The following MAGI2 variants were observed in gnomAD, a reference collection of about 807,000 sequenced individuals.
MAGI2 encodes the protein membrane-associated guanylate kinase, WW and PDZ domain-containing protein 2.
A neutral mutation model predicts 133.3 loss-of-function variants in MAGI2; 35 were observed. The observed-to-expected ratio is 0.26, with a 90% CI of 0.20 to 0.35. MAGI2 has a LOEUF of 0.35. MAGI2 is among the 10% of genes least tolerant of loss of function. The pLI is 1.00. For missense variants in MAGI2, 1,636 were observed against 1,863.4 expected, an observed-to-expected ratio of 0.88 and a Z score of 2.25; for synonymous variants, 729 against 710.6, an observed-to-expected ratio of 1.03 and a Z score of -0.41.
At chr7:78,897,890 A>C (rs1797330644) in intron 2 of MAGI2, among the ~76,000 whole-genome samples, 2 of 152,194 alleles carry the variant, frequency 1.3e-5, no homozygotes, top group South Asian at 4.1e-4. Context: ...TGAAGAGCAA[A>C]AGAAAGTACA....
At chr7:78,412,035 AT>A (rs1797915319) in intron 6 of MAGI2, among the ~76,000 whole-genome samples, 2 of 152,014 alleles carry the variant, frequency 1.3e-5, no homozygotes, top group Admixed American at 6.6e-5. Flanking sequence ...GAGATAGGTA[AT>A]TGTTAAGTGC....
At chr7:79,077,497 C>T (rs1160901796) in intron 1 of MAGI2, among the ~76,000 whole-genome samples, 2 of 146,764 alleles carry the variant, frequency 1.4e-5, no homozygotes, top group African/African-American at 5.0e-5. Context: ...ATGGTGTGAA[C>T]CTGGCCGGTG....
At chr7:79,180,619 A>G (rs1232345294) in intron 1 of MAGI2, among the ~76,000 whole-genome samples, 1 of 151,978 alleles carries the variant, frequency 6.6e-6, no homozygotes, top group Non-Finnish European at 1.5e-5. Flanking sequence ...GCCAAACCAC[A>G]TAATTCTGCC....
chr7:78,690,418 CTGTCA>C (rs2151120049), intron 2 of MAGI2, among the ~76,000 whole-genome samples: 1 of 152,310 alleles, frequency 6.6e-6, no homozygotes, highest in South Asian at 2.1e-4. Flanking sequence ...CCCTGCTTAA[CTGTCA>C]TCATAGCATT....
rs1408279259 is a variant in MAGI2, at chr7:79,101,732, A to AG, written c.302-94527_302-94526insC. On this transcript the variant is annotated intron_variant, in intron 1 of 21. Coordinates refer to ENST00000354212, the MANE Select transcript of MAGI2 (RefSeq NM_012301.4). ...GAGCAAGACTCTGTCACAAAAAAAA[A>AG]AAAAAAAAGAAAAAAGAAAAAGGAA... Among the ~76,000 whole-genome samples, 3 of 150,880 alleles carry AG rather than the reference A, an allele frequency of 2.0e-5. No homozygotes were observed. The East Asian group carries it at 5.8e-4, about 29-fold the overall frequency.
At chr7:78,644,041 G>A (rs1810579620) in intron 2 of MAGI2, among the ~76,000 whole-genome samples, 2 of 151,880 alleles carry the variant, frequency 1.3e-5, no homozygotes, top group Admixed American at 6.6e-5. Context: ...AATAATATCA[G>A]AAAAAGTAGA....
chr7:78,921,439 G>C (rs1799214882), intron 2 of MAGI2, among the ~76,000 whole-genome samples: 1 of 152,084 alleles, frequency 6.6e-6, no homozygotes, highest in African/African-American at 2.4e-5. Context: ...TGGAACCACA[G>C]AGTCTGCACT....
At chr7:79,315,878 A>G (rs1325566790) in intron 1 of MAGI2, among the ~76,000 whole-genome samples, 2 of 152,000 alleles carry the variant, frequency 1.3e-5, no homozygotes, top group African/African-American at 4.8e-5. Flanking sequence ...TATGTAGTAG[A>G]GTTTCTAAAA....
At chr7:78,526,940 A>G (rs10277768) in intron 3 of MAGI2, among the ~76,000 whole-genome samples, 50,094 of 143,118 alleles carry the variant, frequency 0.35, 9,298 homozygotes, top group African/African-American at 0.51. Flanking sequence ...CCTGGGAGGC[A>G]GAGGGTGCGG....
intron 21 of MAGI2, among the ~76,000 whole-genome samples, chr7:78,076,909 T>C (rs1283443703): frequency 1.3e-5 from 2 of 150,346 alleles, no homozygotes; most frequent in African/African-American, 4.9e-5. Flanking sequence ...TGACACGATC[T>C]TGAATTTTTG....
intron 1 of MAGI2, among the ~76,000 whole-genome samples, chr7:79,311,964 C>T (rs1478488855): frequency 6.6e-6 from 1 of 152,126 alleles, no homozygotes; most frequent in Non-Finnish European, 1.5e-5. Flanking sequence ...AATATCACCT[C>T]TTACTGCCTC....
At chr7:78,099,049 A>G (rs1817968435) in intron 20 of MAGI2, among the ~76,000 whole-genome samples, 1 of 152,100 alleles carries the variant, frequency 6.6e-6, no homozygotes, top group African/African-American at 2.4e-5. Context: ...CTTTGGTTAC[A>G]TAAAGTGAAT....
chr7:78,371,075 C>T (rs1266212488), intron 6 of MAGI2, among the ~76,000 whole-genome samples: 1 of 151,810 alleles, frequency 6.6e-6, no homozygotes, highest in African/African-American at 2.4e-5. Context: ...TAAACTTACC[C>T]AATTTAAATA....
rs571487274 is a variant in MAGI2 at position 78,129,638 on chromosome 7, C to T, written c.3204-2222G>A. 5.9e-5 allele frequency among the ~76,000 whole-genome samples: 9 copies of T among 152,222 alleles called. No homozygotes were observed. In the South Asian group the frequency reaches 1.2e-3, roughly 21 times the overall value. On this transcript the variant is annotated intron_variant, in intron 18 of 21. Transcript: ENST00000354212. ...CTGCCAATGGTGAGAATGCACATCT[C>T]GTGGGCCCTTCAAGAATCACTTCCG...
chr7:78,993,607 C>T (rs975711978), intron 2 of MAGI2, among the ~76,000 whole-genome samples: 1 of 151,914 alleles, frequency 6.6e-6, no homozygotes, highest in Non-Finnish European at 1.5e-5. Flanking sequence ...TTGCCATCCT[C>T]AGAGGCAGCA....
At chr7:79,281,837 C>T (rs1835667105) in intron 1 of MAGI2, among the ~76,000 whole-genome samples, 1 of 152,058 alleles carries the variant, frequency 6.6e-6, no homozygotes, top group South Asian at 2.1e-4. Context: ...TAATATGAAA[C>T]AGAGTTAGAG....
chr7:78,436,344 G>A (rs1800286510), intron 6 of MAGI2, among the ~76,000 whole-genome samples: 1 of 152,068 alleles, frequency 6.6e-6, no homozygotes, highest in Non-Finnish European at 1.5e-5. Flanking sequence ...TTCAGGGTGA[G>A]GCTGCCAAAT....
intron 2 of MAGI2, among the ~76,000 whole-genome samples, chr7:78,844,601 A>G (rs550380838): frequency 1.3e-5 from 2 of 152,050 alleles, no homozygotes; most frequent in South Asian, 4.1e-4. Flanking sequence ...AGGCAAATCC[A>G]TAGAGACATA....
At chr7:78,425,067 C>T (rs1158242469) in intron 6 of MAGI2, among the ~76,000 whole-genome samples, 2 of 152,120 alleles carry the variant, frequency 1.3e-5, no homozygotes, top group African/African-American at 4.8e-5. Context: ...TCTTTGTCCC[C>T]ACCCAAATCT....
Sources: gnomAD v4.1 joint callset for allele counts (sites outside exome capture counted in the v4.1 genomes callset) on GRCh38, gnomAD v4.1.1 for gene constraint, MANE v1.5 for transcripts, NCBI Gene and HGNC (gene_info 2026-07-23, HGNC 2026-07-21) for gene names.